Variants in MDH1B observed in about 807,000 individuals in gnomAD.
The protein encoded by MDH1B is putative malate dehydrogenase 1B.
A neutral mutation model predicts 61.4 loss-of-function variants in MDH1B; 60 were observed. The ratio of observed to expected loss-of-function variants is 0.98; its 90% CI spans 0.79 to 1.21. The LOEUF (loss-of-function observed/expected upper bound fraction) is 1.21, where lower values mean the gene tolerates loss of function less well. Ranked by LOEUF, MDH1B falls within the 50% of genes most tolerant of loss-of-function variation. MDH1B has a pLI of 0.00. For missense variants in MDH1B, 587 were observed against 632.1 expected, an observed-to-expected ratio of 0.93 and a Z score of 0.76; for synonymous variants, 236 against 218.7, an observed-to-expected ratio of 1.08 and a Z score of -0.70.
intron 5 of MDH1B, among the ~76,000 whole-genome samples, chr2:206,753,978 T>G (rs55737935): frequency 0.12 from 18,767 of 151,912 alleles, 1,687 homozygotes; most frequent in African/African-American, 0.26. Context: ...CACATATAAT[T>G]ATAAGGTTGA....
rs978635921 is a variant in MDH1B, at chr2:206,738,068, T to C, written c.*415A>G. 4 of 155,148 alleles carry C rather than the reference T, an allele frequency of 2.6e-5. No homozygotes were observed. The highest frequency in any genetic ancestry group is 5.7e-5 in the Non-Finnish European group (4 of 70,192). 9.6% of individuals were successfully genotyped at this position (155,148 alleles called of 1,614,324 possible). A position where few individuals can be genotyped will look rare whatever the true frequency, so the allele number is the denominator to read the frequency against. On this transcript the variant is annotated 3_prime_UTR_variant, in exon 12 of 12. Coordinates refer to ENST00000374412, the MANE Select transcript of MDH1B (RefSeq NM_001039845.3). ...TGGTTCTCCTTGAGTGAAGTACATC[T>C]GTTTGGCCTAATTAGTTGAGGCCAA...
rs1688053171 is a variant in MDH1B, at chr2:206,745,500, A to AT, written c.1408+121dup. 17 of 758,922 alleles carry AT rather than the reference A, an allele frequency of 2.2e-5. No homozygotes were observed. In the South Asian group the frequency reaches 2.9e-4, roughly 13 times the overall value. 47.0% of individuals were successfully genotyped at this position (758,922 alleles called of 1,614,324 possible). On this transcript the variant is annotated intron_variant, in intron 9 of 11. Transcript: ENST00000374412. ...ATTGAACTTAACAGTTTATTTTGTC[A>AT]TTAGTTTAGAAATGACAAAATATAA...
intron 9 of MDH1B, 141 bp from the exon 10 acceptor site, chr2:206,741,245 C>T (rs1445595835): frequency 3.7e-6 from 4 of 1,076,506 alleles, no homozygotes; most frequent in Non-Finnish European, 5.4e-6. Flanking sequence ...CATTATAGTC[C>T]AATGTGTACA....
In MDH1B at chr2:206,746,409, T is replaced by G. The variant is rs774508638; in HGVS notation, c.1234A>C (p.Lys412Gln). Reference sequence around the variant, plus strand: ...ACAGGCATAGAAAAGACGATCCCTTTCGGAATACCAAACTGGCCTGCAGTG... The same window carrying G: ...ACAGGCATAGAAAAGACGATCCCTTGCGGAATACCAAACTGGCCTGCAGTG... Reference protein sequence around the residue: ...ILSEGQFGIPKGIVFSMPVKF... With the variant: ...ILSEGQFGIPQGIVFSMPVKF... The change falls in exon 8 of 12, where the codon AAA becomes CAA. Residue 412 changes from lysine (K) to glutamine (Q), a missense_variant. Lys to Gln is a moderately conservative substitution (Grantham distance 53). Coordinates refer to ENST00000374412, the MANE Select transcript of MDH1B (RefSeq NM_001039845.3). 1.8e-5 allele frequency: 29 copies of G among 1,613,180 alleles called. No homozygotes were observed. The Admixed American group carries it at 4.8e-4, about 27-fold the overall frequency.
intron 7 of MDH1B, 54 bp downstream of exon 7, chr2:206,748,966 G>C (rs56943283): frequency 0.086 from 130,457 of 1,510,744 alleles, 7,146 homozygotes; most frequent in African/African-American, 0.26. Flanking sequence ...TTAGGAGCAC[G>C]AGTTATAGAT....
Position 206,741,119 on chromosome 2 carries a change from A to C in MDH1B, c.1409-15T>G, listed in dbSNP as rs757606095. The C allele has an allele frequency of 6.2e-7, 1 of 1,612,520 alleles. No homozygotes were observed. The highest frequency in any genetic ancestry group is 8.5e-7 in the Non-Finnish European group (1 of 1,179,166). On this transcript the variant is annotated splice_polypyrimidine_tract_variant and intron_variant, in intron 9 of 11. Transcript: ENST00000374412. ...ATCTTTATGTCCTGAAATCAAAATT[A>C]AATAAAACATGCTGGATTTAGAATA...
chr2:206,745,733 T>C (rs1000644193), intron 8 of MDH1B, 60 bp from the exon 9 acceptor site: 86 of 562,366 alleles, frequency 1.5e-4, no homozygotes, highest in South Asian at 1.1e-3. Context: ...AATTCTTCTT[T>C]TTTTTTTTTT....
intron 9 of MDH1B, among the ~76,000 whole-genome samples, chr2:206,744,735 G>A (rs1372282137): frequency 1.3e-5 from 2 of 151,812 alleles, no homozygotes; most frequent in Admixed American, 1.3e-4. Flanking sequence ...GACCAGCCCG[G>A]CCAACATAGT....
rs1327948265 is a variant in MDH1B at position 206,749,063 on chromosome 2, G to C, written c.1173C>G (p.Gly391=). The C allele has an allele frequency of 1.9e-6, 3 of 1,614,070 alleles. No individual in the cohort carries two copies. In the Admixed American group the frequency reaches 5.0e-5, roughly 27 times the overall value. Residue 391 remains glycine, a synonymous_variant, in exon 7 of 12, where the codon GGC becomes GGG. Coordinates refer to ENST00000374412, the MANE Select transcript of MDH1B (RefSeq NM_001039845.3). Reference sequence around the variant, plus strand: ...AAGATACAATCTCCCCAGGTGGTGAGCCATGGTACCAGTATTTCAGTGTAG... The same window carrying C: ...AAGATACAATCTCCCCAGGTGGTGACCCATGGTACCAGTATTTCAGTGTAG... ...IATTLKYWYH[G]SPPGEIVSLG...
At chr2:206,762,673 G>A (rs1689170535) in intron 1 of MDH1B, among the ~76,000 whole-genome samples, 1 of 152,104 alleles carries the variant, frequency 6.6e-6, no homozygotes, top group Admixed American at 6.5e-5. Flanking sequence ...GCCATCCTCA[G>A]TTCTTCACTT....
At chr2:206,738,652 T>TG (rs1687631540) in intron 11 of MDH1B, 141 bp from the exon 12 acceptor site, 1 of 548,592 alleles carries the variant, frequency 1.8e-6, no homozygotes, top group South Asian at 3.3e-5. Context: ...AGTGATTCTA[T>TG]GGGGAAATAA....
At chr2:206,745,412 C>T in intron 9 of MDH1B, 1 of 664,312 alleles carries the variant, frequency 1.5e-6, no homozygotes, top group East Asian at 2.9e-5. Context: ...TTTATAAGAT[C>T]ATAGTGTTCA....
chr2:206,744,111 C>T (rs1002539433), intron 9 of MDH1B, among the ~76,000 whole-genome samples: 1 of 152,196 alleles, frequency 6.6e-6, no homozygotes, highest in Non-Finnish European at 1.5e-5. Context: ...GCCACATGAG[C>T]TTTTCCACAG....
Position 206,757,230 on chromosome 2 carries a change from T to A in MDH1B, c.270+7A>T. 6.2e-7 allele frequency: 1 copy of A among 1,609,824 alleles called. No individual in the cohort carries two copies. The highest frequency in any genetic ancestry group is 1.1e-5 in the South Asian group (1 of 89,834). On this transcript the variant is annotated splice_region_variant and intron_variant, in intron 3 of 11. Coordinates refer to ENST00000374412, the MANE Select transcript of MDH1B (RefSeq NM_001039845.3). ...CATTATTAGAACAGATAAGTTAACT[T>A]ATATACCTGAGCATGCTCCAGGAAC...
intron 7 of MDH1B, among the ~76,000 whole-genome samples, chr2:206,747,826 AT>A (rs1688204449): frequency 8.5e-6 from 1 of 118,068 alleles, no homozygotes; most frequent in African/African-American, 4.4e-5. Flanking sequence ...GGTTCTACTT[AT>A]AACATAAAGA....
chr2:206,762,054 G>A (rs754186383), intron 1 of MDH1B, among the ~76,000 whole-genome samples: 2 of 152,082 alleles, frequency 1.3e-5, no homozygotes, highest in Non-Finnish European at 2.9e-5. Flanking sequence ...CAGAAACATT[G>A]TAGAACCAAG....
At chr2:206,748,649 CCTT>C (rs1171196789) in intron 7 of MDH1B, among the ~76,000 whole-genome samples, 4 of 152,178 alleles carry the variant, frequency 2.6e-5, no homozygotes, top group Non-Finnish European at 5.9e-5. Context: ...TGTAGTGTCA[CCTT>C]CTTTATGAAG....
chr2:206,750,815 T>C (rs72957695), intron 6 of MDH1B, 119 bp downstream of exon 6: 2 of 800,378 alleles, frequency 2.5e-6, no homozygotes, highest in African/African-American at 1.8e-5. Context: ...TGAACAAATA[T>C]GAGTGTGAAC....
At position 206,749,325 on chromosome 2, in the gene MDH1B, C is replaced by G. The variant is rs1188328649; in HGVS notation, c.1053-142G>C. 7.5e-6 allele frequency: 5 copies of G among 669,654 alleles called. No individual in the cohort carries two copies. In the Admixed American group the frequency reaches 1.6e-4, roughly 21 times the overall value. 41.5% of individuals were successfully genotyped at this position (669,654 alleles called of 1,614,324 possible). ...TACAGCTTTATTTCTAGTGTCTTTC[C>G]TCAAGTGTCTTTGATCCCCATAAAA... On this transcript the variant is annotated intron_variant, in intron 6 of 11. Coordinates refer to ENST00000374412, the MANE Select transcript of MDH1B (RefSeq NM_001039845.3).
Sources: gnomAD v4.1 joint callset for allele counts (sites outside exome capture counted in the v4.1 genomes callset) on GRCh38, gnomAD v4.1.1 for gene constraint, MANE v1.5 for transcripts, NCBI Gene and HGNC (gene_info 2026-07-23, HGNC 2026-07-21) for gene names.